Variants in PIK3C3 observed in about 807,000 individuals in gnomAD.
The protein encoded by PIK3C3 is phosphatidylinositol 3-kinase catalytic subunit type 3.
A neutral mutation model predicts 126.1 loss-of-function variants in PIK3C3; 95 were observed. The ratio of observed to expected loss-of-function variants is 0.75; its 90% CI spans 0.64 to 0.89. The LOEUF is 0.89. Among genes scored for constraint, PIK3C3 ranks in the 40% least tolerant of loss-of-function variants. PIK3C3 has a pLI of 0.00. For missense variants in PIK3C3, 829 were observed against 1,063.2 expected, an observed-to-expected ratio of 0.78 and a Z score of 3.06; for synonymous variants, 374 against 360.0, an observed-to-expected ratio of 1.04 and a Z score of -0.44.
In PIK3C3 at chr18:42,083,066, A is replaced by C. The variant is rs1015298376; in HGVS notation, c.*1929A>C. 6.6e-6 allele frequency: 1 copy of C among 152,220 alleles called. No individual in the cohort carries two copies. The highest frequency in any genetic ancestry group is 1.5e-5 in the Non-Finnish European group (1 of 68,030). The allele number at this position is 152,220 out of a possible 1,614,324, so 9.4% of individuals were successfully genotyped here. A position where few individuals can be genotyped will look rare whatever the true frequency, so the allele number is the denominator to read the frequency against. The stretch of plus-strand genomic sequence containing the variant: ...GATGCGTGTTGGGTGAGGAAGGAGC[A>C]TCTCTCAGGAGGGTAAACAGTAGCT... On this transcript the variant is annotated 3_prime_UTR_variant, in exon 25 of 25. Coordinates refer to ENST00000262039, the MANE Select transcript of PIK3C3 (RefSeq NM_002647.4).
At chr18:41,995,810 T>C (rs568514691) in intron 7 of PIK3C3, 80 bp from the exon 8 acceptor site, 18 of 943,952 alleles carry the variant, frequency 1.9e-5, no homozygotes, top group Non-Finnish European at 2.7e-5. Flanking sequence ...TGCTCCTAAG[T>C]ACCTTTTCTA....
chr18:42,062,448 T>TG (rs1275869708), intron 22 of PIK3C3, among the ~76,000 whole-genome samples: 1 of 152,134 alleles, frequency 6.6e-6, no homozygotes, highest in East Asian at 1.9e-4. Flanking sequence ...ATTTTTTTTT[T>TG]TGTGATTTTT....
At chr18:42,056,912 C>T (rs942540490) in intron 21 of PIK3C3, among the ~76,000 whole-genome samples, 4 of 152,030 alleles carry the variant, frequency 2.6e-5, no homozygotes, top group African/African-American at 9.7e-5. Flanking sequence ...GAATTATGGA[C>T]TTTCCTTGGG....
intron 24 of PIK3C3, among the ~76,000 whole-genome samples, chr18:42,070,682 AT>A: frequency 6.6e-6 from 1 of 152,258 alleles, no homozygotes; most frequent in East Asian, 1.9e-4. Context: ...TATAAATTTA[AT>A]ATAATGTCAA....
intron 24 of PIK3C3, among the ~76,000 whole-genome samples, chr18:42,076,151 T>TATATATATATATGCAC (rs1568013774): frequency 2.1e-4 from 22 of 103,778 alleles, no homozygotes; most frequent in African/African-American, 1.2e-3. Context: ...TATGCGCATA[T>TATATATATATATGCAC]ATATATATAT....
intron 3 of PIK3C3, among the ~76,000 whole-genome samples, chr18:41,963,118 A>T (rs1046879886): frequency 6.6e-6 from 1 of 152,090 alleles, no homozygotes; most frequent in Non-Finnish European, 1.5e-5. Context: ...GTCCCAAAGG[A>T]TATTTTCTCT....
rs1174567065 is a variant in PIK3C3, at chr18:42,082,727, G to C, written c.*1590G>C. The C allele has an allele frequency of 6.6e-6, 1 of 152,036 alleles. No homozygotes were observed. The highest frequency in any genetic ancestry group is 2.4e-5 in the African/African-American group (1 of 41,384). 9.4% of individuals were successfully genotyped at this position (152,036 alleles called of 1,614,324 possible). On this transcript the variant is annotated 3_prime_UTR_variant, in exon 25 of 25. Transcript: ENST00000262039. The stretch of plus-strand genomic sequence containing the variant: ...ACTTGCATCTCCTATTTCAGGATTT[G>C]GCATACTTTTTCTTTAATGGGCTAA...
intron 2 of PIK3C3, among the ~76,000 whole-genome samples, chr18:41,961,956 A>C (rs902144942): frequency 1.3e-5 from 2 of 152,204 alleles, no homozygotes; most frequent in Non-Finnish European, 2.9e-5. Flanking sequence ...TTTGAGGAAC[A>C]GAAAATTCTC....
At chr18:42,021,310 A>AG (rs761749621) in intron 13 of PIK3C3, among the ~76,000 whole-genome samples, 1 of 152,178 alleles carries the variant, frequency 6.6e-6, no homozygotes, top group Non-Finnish European at 1.5e-5. Flanking sequence ...AAGGAAAGAG[A>AG]GAAACTAAGG....
chr18:42,053,247 C>G (rs1463691425), intron 21 of PIK3C3, among the ~76,000 whole-genome samples: 1 of 152,190 alleles, frequency 6.6e-6, no homozygotes, highest in Non-Finnish European at 1.5e-5. Flanking sequence ...ATGTCAAAAT[C>G]TATACAAGAG....
Position 42,010,181 on chromosome 18 carries a change from A to G in PIK3C3, c.1171-3261A>G, listed in dbSNP as rs148097375. Among the ~76,000 whole-genome samples, 494 of 152,274 alleles carry G rather than the reference A, an allele frequency of 3.2e-3. 1 individual carries two copies. The highest frequency in any genetic ancestry group is 0.011 in the African/African-American group (467 of 41,558). On this transcript the variant is annotated intron_variant, in intron 10 of 24. Coordinates refer to ENST00000262039, the MANE Select transcript of PIK3C3 (RefSeq NM_002647.4). The stretch of plus-strand genomic sequence containing the variant: ...TTGTCATTTCAACAATGTTCACAGC[A>G]TCTTCACCAAGCATAGATCGCATCT...
intron 2 of PIK3C3, among the ~76,000 whole-genome samples, chr18:41,961,987 G>T (rs2144294070): frequency 6.6e-6 from 1 of 152,222 alleles, no homozygotes; most frequent in South Asian, 2.1e-4. Flanking sequence ...TCACATATCT[G>T]TCTGGAGCAG....
chr18:42,019,927 C>G (rs931118349), intron 12 of PIK3C3, among the ~76,000 whole-genome samples: 2 of 152,084 alleles, frequency 1.3e-5, no homozygotes. Context: ...CCTACTTCCT[C>G]TCCACCAGCA....
chr18:41,996,550 TTAAA>T lies in PIK3C3; in HGVS notation c.892-82_892-79del, dbSNP rs549250303. 167 of 577,852 alleles carry T rather than the reference TTAAA, an allele frequency of 2.9e-4. 2 individuals carry two copies. The South Asian group carries it at 5.0e-3, about 17-fold the overall frequency. 35.8% of individuals were successfully genotyped at this position (577,852 alleles called of 1,614,324 possible). On this transcript the variant is annotated intron_variant, in intron 8 of 24. Transcript: ENST00000262039. ...TGTAATAATTGTAGTATAGAATTAT[TTAAA>T]TAAATGAAAAATATTAAGTGAAATG...
intron 6 of PIK3C3, among the ~76,000 whole-genome samples, chr18:41,992,142 A>G (rs371318517): frequency 3.5e-4 from 53 of 152,262 alleles, no homozygotes; most frequent in Non-Finnish European, 5.7e-4. Context: ...CCACTTCCTG[A>G]AAATTGCTCA....
chr18:42,037,737 G>T lies in PIK3C3; in HGVS notation c.1885G>T (p.Gly629Cys), dbSNP rs932038688. Reference sequence around the variant, plus strand: ...GTTGTTTTTTAAGACGGAAGATGGAGGCAAATATCCAGTTATATTTAAGCA... The same window carrying T: ...GTTGTTTTTTAAGACGGAAGATGGATGCAAATATCCAGTTATATTTAAGCA... ...AQLFFKTEDG[G>C]KYPVIFKHGD... The change falls in exon 17 of 25, where the codon GGC (glycine) becomes TGC (cysteine). Residue 629 changes from glycine to cysteine, a missense_variant. Gly to Cys is a radical substitution (Grantham distance 159). This residue lies in a region of PIK3C3 where 256 missense variants were observed against 291.0 expected (regional missense o/e 0.88). Coordinates refer to ENST00000262039, the MANE Select transcript of PIK3C3 (RefSeq NM_002647.4). 1.9e-6 allele frequency: 3 copies of T among 1,610,940 alleles called. No individual in the cohort carries two copies. Among genetic ancestry groups the T allele is most frequent in the Non-Finnish European group, 2.5e-6 (3 of 1,177,620 alleles).
chr18:42,016,130 CAAGT>C (rs1983063225), intron 12 of PIK3C3, among the ~76,000 whole-genome samples: 1 of 152,104 alleles, frequency 6.6e-6, no homozygotes, highest in African/African-American at 2.4e-5. Context: ...ATGTTGAAAA[CAAGT>C]AACACATGTT....
intron 7 of PIK3C3, 47 bp from the exon 8 acceptor site, chr18:41,995,843 T>A (rs772272417): frequency 7.6e-7 from 1 of 1,312,222 alleles, no homozygotes; most frequent in African/African-American, 1.5e-5. Context: ...TTTTGAAATT[T>A]CCTTTTGGTG....
At chr18:42,067,900 C>G (rs1435411932) in intron 24 of PIK3C3, among the ~76,000 whole-genome samples, 1 of 152,216 alleles carries the variant, frequency 6.6e-6, no homozygotes, top group Non-Finnish European at 1.5e-5. Flanking sequence ...CCACATCACA[C>G]ACCAGAAAGG....
Sources: allele counts gnomAD v4.1 joint callset (sites outside exome capture counted in the v4.1 genomes callset), GRCh38; gene constraint gnomAD v4.1.1; regional missense constraint gnomAD v4.1.1; transcripts MANE v1.5; gene names NCBI Gene and HGNC (gene_info 2026-07-23, HGNC 2026-07-21).